The following RNF149 variants were observed in gnomAD, a reference collection of about 807,000 sequenced individuals.
RNF149 encodes the protein ring finger protein 149.
A neutral mutation model predicts 39.0 loss-of-function variants in RNF149; 21 were observed. The observed-to-expected ratio is 0.54, with a 90% CI of 0.38 to 0.77. The LOEUF is 0.77. Among genes scored for constraint, RNF149 ranks in the 30% least tolerant of loss-of-function variants. The pLI, the probability that RNF149 is intolerant of heterozygous loss-of-function variation, is 0.00. For synonymous variants in RNF149, 209 were observed against 213.6 expected, an observed-to-expected ratio of 0.98 and a Z score of 0.19; for missense variants, 493 against 534.9, an observed-to-expected ratio of 0.92 and a Z score of 0.77.
intron 3 of RNF149, among the ~76,000 whole-genome samples, chr2:101,292,720 T>C (rs1469025865): frequency 6.6e-6 from 1 of 152,028 alleles, no homozygotes; most frequent in Non-Finnish European, 1.5e-5. Context: ...GAGCCGAGAT[T>C]GCGCCACTGC....
chr2:101,276,498 A>G lies in RNF149; in HGVS notation c.*740T>C. 1.0e-6 allele frequency: 1 copy of G among 985,794 alleles called. No individual in the cohort carries two copies. The highest frequency in any genetic ancestry group is 4.7e-5 in the South Asian group (1 of 21,290). 61.1% of individuals were successfully genotyped at this position (985,794 alleles called of 1,614,324 possible). The stretch of plus-strand genomic sequence containing the variant: ...TAACAGATTCTGAGTCTGCCTACTC[A>G]TTTTCCTTAACAAGGCAATGAAGAA... On this transcript the variant is annotated 3_prime_UTR_variant, in exon 7 of 7. Coordinates refer to ENST00000295317, the MANE Select transcript of RNF149 (RefSeq NM_173647.4).
At chr2:101,291,250 A>G (rs1240741373) in intron 3 of RNF149, among the ~76,000 whole-genome samples, 2 of 152,094 alleles carry the variant, frequency 1.3e-5, no homozygotes, top group East Asian at 3.9e-4. Context: ...TCCTGGGTTC[A>G]AGTGAATCTC....
intron 1 of RNF149, among the ~76,000 whole-genome samples, chr2:101,295,552 T>C (rs933980826): frequency 1.3e-5 from 2 of 151,594 alleles, no homozygotes; most frequent in African/African-American, 4.8e-5. Context: ...TCCCAGCTAC[T>C]TGGGAGGCTG....
chr2:101,274,541 T>C (rs770301027), downstream of RNF149, among the ~76,000 whole-genome samples: 2 of 152,182 alleles, frequency 1.3e-5, no homozygotes, highest in South Asian at 2.1e-4. Context: ...TCTGTTAACA[T>C]AGTTTTATGG....
chr2:101,294,063 T>C lies in RNF149; in HGVS notation c.731A>G (p.Lys244Arg), dbSNP rs141301816. Residue 244 changes from lysine (K) to arginine (R), a missense_variant, in exon 3 of 7, where the codon AAG (lysine) becomes AGG (arginine). By Grantham distance (26) the Lys-to-Arg change is conservative (BLOSUM62 2). Coordinates refer to ENST00000295317, the MANE Select transcript of RNF149 (RefSeq NM_173647.4). ...AAGTAGAAGCTGGCCAATAACTTTC[T>C]TAGTTTCTTTTCTATGGCTCTTGGG... The part of the protein sequence containing the change: ...IGSQSHRKET[K>R]KVIGQLLLHT... 268 of 1,572,350 alleles carry C rather than the reference T, an allele frequency of 1.7e-4. No individual in the cohort carries two copies. Among genetic ancestry groups the C allele is most frequent in the Non-Finnish European group, 1.6e-4 (187 of 1,143,522 alleles).
At chr2:101,280,581 G>C (rs1440845592) in intron 6 of RNF149, among the ~76,000 whole-genome samples, 2 of 151,700 alleles carry the variant, frequency 1.3e-5, no homozygotes, top group African/African-American at 2.4e-5. Context: ...ATGAGAGAAC[G>C]GGAAACTAAA....
rs1342257272 is a variant in RNF149 at position 101,286,195 on chromosome 2, G to A, written c.864-18C>T. On this transcript the variant is annotated intron_variant, in intron 4 of 6. Transcript: ENST00000295317. ...AAATATGCCTAAAAAGATTAAGTAT[G>A]TGTTAATGTTTTTAAAATCAATGTT... The A allele has an allele frequency of 5.7e-6, 8 of 1,393,346 alleles. No homozygotes were observed. In the East Asian group the frequency reaches 9.1e-5, roughly 16 times the overall value. 86.3% of individuals were successfully genotyped at this position (1,393,346 alleles called of 1,614,324 possible). A position where few individuals can be genotyped will look rare whatever the true frequency, so the allele number is the denominator to read the frequency against.
intron 4 of RNF149, 31 bp from the exon 5 acceptor site, chr2:101,286,208 T>C: frequency 1.6e-6 from 2 of 1,266,318 alleles, no homozygotes; most frequent in South Asian, 2.4e-5. Context: ...TTAATGTTTT[T>C]AAAATCAATG....
At chr2:101,305,747 G>A (rs929295970) in intron 1 of RNF149, among the ~76,000 whole-genome samples, 1 of 152,142 alleles carries the variant, frequency 6.6e-6, no homozygotes, top group African/African-American at 2.4e-5. Context: ...GAGAGGGAGA[G>A]AGAACAAAGA....
rs781441802 is a variant in RNF149 at position 101,308,164 on chromosome 2, C to T, written c.425G>A (p.Arg142His). 3 of 1,610,204 alleles carry T rather than the reference C, an allele frequency of 1.9e-6. No individual in the cohort carries two copies. The highest frequency in any genetic ancestry group is 2.5e-6 in the Non-Finnish European group (3 of 1,179,272). The change falls in exon 1 of 7, where the codon CGC becomes CAC. Residue 142 changes from arginine to histidine, a missense_variant. Arg to His is a conservative substitution (Grantham distance 29). Coordinates refer to ENST00000295317, the MANE Select transcript of RNF149 (RefSeq NM_173647.4). ...CATGGGCAAGGTGATGTTCCCGTAG[C>T]GCTCCTCATTGTAGAGGACGACGGC... is the stretch of plus-strand genomic sequence containing the variant. ...ASAVVLYNEE[R>H]YGNITLPMSH... is the part of the protein sequence containing the mutation.
At chr2:101,308,035 C>T (rs997124140) in intron 1 of RNF149, 94 bp downstream of exon 1, 8 of 1,499,044 alleles carry the variant, frequency 5.3e-6, no homozygotes, top group South Asian at 2.7e-5. Context: ...GTGCCAGGCC[C>T]GCTTCGCGGC....
Position 101,308,424 on chromosome 2 carries a change from C to T in RNF149, c.165G>A (p.Val55=). 1 of 1,611,616 alleles carries T rather than the reference C, an allele frequency of 6.2e-7. No homozygotes were observed. Among genetic ancestry groups the T allele is most frequent in the South Asian group, 1.1e-5 (1 of 90,972 alleles). The change falls in exon 1 of 7, where the codon GTG becomes GTA. Residue 55 remains valine (V), a synonymous_variant. Coordinates refer to ENST00000295317, the MANE Select transcript of RNF149 (RefSeq NM_173647.4). ...AGCGGCCACTCTCCGAGACGCTCCA[C>T]ACCGTCAGGTTGGTCTGCGGGTCCA... The part of the protein sequence containing the change: ...EYVDPQTNLT[V]WSVSESGRFG...
chr2:101,279,090 A>C (rs1682476120), intron 6 of RNF149, among the ~76,000 whole-genome samples: 1 of 152,256 alleles, frequency 6.6e-6, no homozygotes, highest in South Asian at 2.1e-4. Flanking sequence ...TATAAGGCTG[A>C]AAGAACATTA....
chr2:101,290,551 AAG>A (rs987688147), intron 3 of RNF149, among the ~76,000 whole-genome samples: 4 of 152,342 alleles, frequency 2.6e-5, no homozygotes, highest in South Asian at 2.1e-4. Context: ...TTATAATAAA[AAG>A]AGAATAAATA....
rs140132904 is a variant in RNF149 at position 101,300,846 on chromosome 2, C to T, written c.461-5665G>A. Among the ~76,000 whole-genome samples, 172 of 152,300 alleles carry T rather than the reference C, an allele frequency of 1.1e-3. 1 individual carries two copies. The highest frequency in any genetic ancestry group is 6.8e-3 in the Middle Eastern group (2 of 294). ...GGCAGGGCAGTTGGGTAAAAACATG[C>T]TAGTTCAGGGGTCAGTATGTGCACA... On this transcript the variant is annotated intron_variant, in intron 1 of 6. Coordinates refer to ENST00000295317, the MANE Select transcript of RNF149 (RefSeq NM_173647.4).
At chr2:101,282,248 A>T (rs1313572882) in intron 5 of RNF149, among the ~76,000 whole-genome samples, 191 bp from the exon 6 acceptor site, 1 of 151,432 alleles carries the variant, frequency 6.6e-6, no homozygotes, top group Non-Finnish European at 1.5e-5. Flanking sequence ...CCAATCTCCT[A>T]AGGCCAACAT....
chr2:101,285,100 GTTGGC>G (rs1436188540), intron 5 of RNF149, among the ~76,000 whole-genome samples: 1 of 151,994 alleles, frequency 6.6e-6, no homozygotes, highest in African/African-American at 2.4e-5. Context: ...GTTTCACCAT[GTTGGC>G]CAGGCTGGTC....
intron 1 of RNF149, among the ~76,000 whole-genome samples, chr2:101,297,511 T>C (rs562267036): frequency 3.8e-4 from 57 of 149,858 alleles, no homozygotes; most frequent in Non-Finnish European, 1.0e-4. Context: ...CACACACCAC[T>C]ACACCTGGCT....
Position 101,281,932 on chromosome 2 carries a change from G to A in RNF149, c.1086C>T (p.Ala362=). 2 of 1,613,692 alleles carry A rather than the reference G, an allele frequency of 1.2e-6. No homozygotes were observed. Among genetic ancestry groups the A allele is most frequent in the South Asian group, 1.1e-5 (1 of 91,076 alleles). ...DGSDDSSPPS[A]SPAESEPQCD... ...ACTGTGGCTCAGATTCAGCAGGGGA[G>A]GCTGATGGTGGACTGCTGTCATCAC... Residue 362 remains alanine (A), a synonymous_variant, in exon 6 of 7, where the codon GCC becomes GCT. Transcript: ENST00000295317.
Sources: allele counts gnomAD v4.1 joint callset (sites outside exome capture counted in the v4.1 genomes callset), GRCh38; gene constraint gnomAD v4.1.1; transcripts MANE v1.5; gene names NCBI Gene and HGNC (gene_info 2026-07-23, HGNC 2026-07-21).